PLPPR4: variants seen among roughly 807,000 people sequenced by gnomAD.
PLPPR4 encodes the protein phospholipid phosphatase related 4.
In PLPPR4, 24 loss-of-function variants were observed where a neutral mutation model predicts 56.6. The ratio of observed to expected loss-of-function variants is 0.42; its 90% CI spans 0.31 to 0.60. The LOEUF is 0.60. Ranked by LOEUF, PLPPR4 falls within the 20% of genes least tolerant of loss-of-function variation. PLPPR4 has a pLI of 0.13. For missense variants in PLPPR4, 654 were observed against 885.8 expected, an observed-to-expected ratio of 0.74 and a Z score of 3.32; for synonymous variants, 326 against 328.1, an observed-to-expected ratio of 0.99 and a Z score of 0.07.
upstream of PLPPR4, chr1:99,264,288 A>T (rs1570901444): frequency 4.9e-6 from 3 of 610,728 alleles, no homozygotes; most frequent in Non-Finnish European, 8.3e-6. Context: ...GGTGACAGGG[A>T]GGGGAAGCCA....
chr1:99,290,613 G>T (rs1659591042), intron 2 of PLPPR4, among the ~76,000 whole-genome samples: 1 of 152,104 alleles, frequency 6.6e-6, no homozygotes, highest in African/African-American at 2.4e-5. Context: ...CAATGGAACA[G>T]AATAGGAAAC....
chr1:99,301,695 A>T (rs369613209), intron 5 of PLPPR4, 29 bp from the exon 6 acceptor site: 53 of 1,541,792 alleles, frequency 3.4e-5, no homozygotes, highest in Non-Finnish European at 4.2e-5. Context: ...CCTTTCTAAC[A>T]TACTTAACCC....
chr1:99,299,457 C>A (rs819912), intron 4 of PLPPR4, among the ~76,000 whole-genome samples: 3 of 151,866 alleles, frequency 2.0e-5, no homozygotes, highest in Non-Finnish European at 2.9e-5. Context: ...CTACTAGTCC[C>A]TATTTCACCA....
intron 2 of PLPPR4, among the ~76,000 whole-genome samples, chr1:99,294,512 G>A (rs1378730443): frequency 6.6e-6 from 1 of 151,868 alleles, no homozygotes; most frequent in African/African-American, 2.4e-5. Flanking sequence ...CCTGGACAAC[G>A]AGGTGAAACC....
chr1:99,304,703 T>C (rs1487881459), intron 6 of PLPPR4, among the ~76,000 whole-genome samples: 1 of 152,254 alleles, frequency 6.6e-6, no homozygotes, highest in Admixed American at 6.5e-5. Context: ...AATGCTTTGT[T>C]CATTGTTAAG....
chr1:99,299,777 G>A (rs960412399), intron 4 of PLPPR4, among the ~76,000 whole-genome samples: 2 of 151,828 alleles, frequency 1.3e-5, no homozygotes, highest in African/African-American at 2.4e-5. Context: ...GAACCCGGGT[G>A]TGCATAGCTT....
In PLPPR4 at chr1:99,305,655, T is replaced by C. The variant is rs532486456; in HGVS notation, c.823-30T>C. ...ACCCTAGTGACTGTCTTCTAGTGCA[T>C]GATATTTATTGCTTTCTCTCAAACA... On this transcript the variant is annotated intron_variant, in intron 6 of 6. Transcript: ENST00000370185. The C allele has an allele frequency of 8.8e-6, 14 of 1,588,368 alleles. No homozygotes were observed. In the South Asian group the frequency reaches 1.5e-4, roughly 17 times the overall value.
At chr1:99,276,690 G>T (rs1659192611) in intron 1 of PLPPR4, among the ~76,000 whole-genome samples, 1 of 152,126 alleles carries the variant, frequency 6.6e-6, no homozygotes, top group Non-Finnish European at 1.5e-5. Flanking sequence ...TCAAGTTCAA[G>T]ATAGTTTAGT....
At chr1:99,276,666 C>A (rs1659192256) in intron 1 of PLPPR4, among the ~76,000 whole-genome samples, 1 of 152,052 alleles carries the variant, frequency 6.6e-6, no homozygotes, top group African/African-American at 2.4e-5. Context: ...CTTTATTTCT[C>A]AAGATAAGCT....
At chr1:99,271,062 A>C (rs1338085558) in intron 1 of PLPPR4, among the ~76,000 whole-genome samples, 1 of 152,182 alleles carries the variant, frequency 6.6e-6, no homozygotes, top group Non-Finnish European at 1.5e-5. Context: ...TGGCCAAGTT[A>C]CTCAAAATGT....
At position 99,264,727 on chromosome 1, in the gene PLPPR4, A is replaced by C; in HGVS notation, c.78+56A>C. 3 of 1,532,396 alleles carry C rather than the reference A, an allele frequency of 2.0e-6. No individual in the cohort carries two copies. The South Asian group carries it at 3.6e-5, about 18-fold the overall frequency. 94.9% of individuals were successfully genotyped at this position (1,532,396 alleles called of 1,614,324 possible). On this transcript the variant is annotated intron_variant, in intron 1 of 6. Transcript: ENST00000370185. Reference sequence around the variant, plus strand: ...AGATCCTCTGGGCATCTCCTGAGCGAATTCAGGTCCTGGACAGTGTTGGAG... The same window carrying C: ...AGATCCTCTGGGCATCTCCTGAGCGCATTCAGGTCCTGGACAGTGTTGGAG...
At chr1:99,280,699 A>G (rs1570911318) in intron 1 of PLPPR4, among the ~76,000 whole-genome samples, 1 of 152,326 alleles carries the variant, frequency 6.6e-6, no homozygotes, top group Non-Finnish European at 1.5e-5. Context: ...AAAAAATTAC[A>G]TGATCTCAAC....
At chr1:99,268,699 A>T (rs1658972795) in intron 1 of PLPPR4, among the ~76,000 whole-genome samples, 1 of 152,126 alleles carries the variant, frequency 6.6e-6, no homozygotes, top group South Asian at 2.1e-4. Context: ...TCAGTTTTAC[A>T]CTGTACAGCC....
At chr1:99,272,541 T>G (rs1159739213) in intron 1 of PLPPR4, among the ~76,000 whole-genome samples, 1 of 152,146 alleles carries the variant, frequency 6.6e-6, no homozygotes, top group Non-Finnish European at 1.5e-5. Context: ...CATGACCACC[T>G]TACATTAAAC....
At chr1:99,305,609 T>C in intron 6 of PLPPR4, 76 bp from the exon 7 acceptor site, 1 of 1,436,584 alleles carries the variant, frequency 7.0e-7, no homozygotes. Context: ...ATGTATGTAC[T>C]TCAGTGGGTA....
In PLPPR4 at chr1:99,273,369, T is replaced by C. The variant is rs556054902; in HGVS notation, c.78+8698T>C. On this transcript the variant is annotated intron_variant, in intron 1 of 6. Transcript: ENST00000370185. ...AAATCAATGTATTTGTGGGAAAAGG[T>C]AAACATGGAATCATACATTTAACAG... 5.9e-5 allele frequency among the ~76,000 whole-genome samples: 9 copies of C among 152,186 alleles called. No homozygotes were observed. In the East Asian group the frequency reaches 1.7e-3, roughly 29 times the overall value.
At chr1:99,301,112 C>A in intron 5 of PLPPR4, 146 bp downstream of exon 5, 1 of 680,562 alleles carries the variant, frequency 1.5e-6, no homozygotes, top group Non-Finnish European at 2.6e-6. Flanking sequence ...ACAATGGCAT[C>A]CAAAGCAGAA....
chr1:99,266,566 G>A (rs1218603807), intron 1 of PLPPR4, among the ~76,000 whole-genome samples: 1 of 152,174 alleles, frequency 6.6e-6, no homozygotes, highest in Non-Finnish European at 1.5e-5. Flanking sequence ...TCCATGAGTG[G>A]AAATAGCCCA....
chr1:99,267,811 G>C (rs965256679), intron 1 of PLPPR4, among the ~76,000 whole-genome samples: 3 of 152,150 alleles, frequency 2.0e-5, no homozygotes, highest in Non-Finnish European at 2.9e-5. Context: ...TGTATTAATT[G>C]ACACAAATGG....
Sources: allele counts gnomAD v4.1 joint callset (sites outside exome capture counted in the v4.1 genomes callset), GRCh38; gene constraint gnomAD v4.1.1; transcripts MANE v1.5; gene names NCBI Gene and HGNC (gene_info 2026-07-23, HGNC 2026-07-21).